Variants in EPHA4 observed in about 807,000 individuals in gnomAD.
EPHA4 encodes EPH receptor A4, also known as ephrin type-A receptor 4.
In EPHA4, 19 loss-of-function variants were observed where a neutral mutation model predicts 108.3. That is an observed-to-expected ratio of 0.18 (90% CI 0.12 to 0.26). The LOEUF is 0.26. Ranked by LOEUF, EPHA4 falls within the 10% of genes least tolerant of loss-of-function variation. The pLI is 1.00. For missense variants in EPHA4, 917 were observed against 1,254.0 expected, an observed-to-expected ratio of 0.73 and a Z score of 4.06; for synonymous variants, 449 against 455.5, an observed-to-expected ratio of 0.99 and a Z score of 0.18.
At chr2:221,424,141 T>TAA (rs201757702) in intron 17 of EPHA4, among the ~76,000 whole-genome samples, 22,519 of 93,410 alleles carry the variant, frequency 0.24, 1,847 homozygotes, top group South Asian at 0.28. Flanking sequence ...ATAATAATAA[T>TAA]TTTTTTTTTT....
intron 3 of EPHA4, among the ~76,000 whole-genome samples, chr2:221,520,783 C>T (rs571893911): frequency 6.6e-6 from 1 of 152,274 alleles, no homozygotes; most frequent in East Asian, 1.9e-4. Context: ...AAATGAAAAT[C>T]ATCAATCATT....
At chr2:221,497,186 C>A (rs1336709406) in intron 4 of EPHA4, among the ~76,000 whole-genome samples, 1 of 152,164 alleles carries the variant, frequency 6.6e-6, no homozygotes, top group African/African-American at 2.4e-5. Context: ...TTGATTAGAT[C>A]CCTACCAGGT....
At chr2:221,424,000 C>A (rs1170129040) in intron 17 of EPHA4, among the ~76,000 whole-genome samples, 1 of 151,902 alleles carries the variant, frequency 6.6e-6, no homozygotes, top group Non-Finnish European at 1.5e-5. Flanking sequence ...GCCTGTAATC[C>A]CAGCTACTTG....
intron 11 of EPHA4, among the ~76,000 whole-genome samples, chr2:221,440,247 CGTT>C (rs1386084016): frequency 6.6e-6 from 1 of 152,146 alleles, no homozygotes; most frequent in Non-Finnish European, 1.5e-5. Context: ...TGCATCCAGT[CGTT>C]TATAACAGTT....
chr2:221,496,279 C>T (rs1031187642), intron 4 of EPHA4, among the ~76,000 whole-genome samples: 11 of 152,034 alleles, frequency 7.2e-5, no homozygotes, highest in African/African-American at 2.4e-4. Context: ...GTCTGCCGTC[C>T]GGTATAGTCT....
At chr2:221,545,697 C>G (rs1693976576) in intron 3 of EPHA4, among the ~76,000 whole-genome samples, 1 of 152,116 alleles carries the variant, frequency 6.6e-6, no homozygotes, top group African/African-American at 2.4e-5. Context: ...TTAGAAGTTA[C>G]AGCTTTCCCT....
At chr2:221,520,095 T>A (rs151123665) in intron 3 of EPHA4, among the ~76,000 whole-genome samples, 116 of 152,272 alleles carry the variant, frequency 7.6e-4, no homozygotes, top group Non-Finnish European at 5.1e-4. Flanking sequence ...ATGCTGATCA[T>A]GTCATTCCTG....
chr2:221,542,158 A>G (rs1327577601), intron 3 of EPHA4, among the ~76,000 whole-genome samples: 3 of 152,202 alleles, frequency 2.0e-5, no homozygotes, highest in Non-Finnish European at 4.4e-5. Context: ...AGGACTAGGA[A>G]AAGGTGAGAA....
chr2:221,442,693 T>C (rs753604034), intron 11 of EPHA4, 136 bp downstream of exon 11: 90 of 839,794 alleles, frequency 1.1e-4, no homozygotes, highest in Non-Finnish European at 1.6e-4. Flanking sequence ...ACAAGATTAA[T>C]GACTTGTCCT....
intron 8 of EPHA4, among the ~76,000 whole-genome samples, chr2:221,453,157 C>T (rs529965608): frequency 1.3e-5 from 2 of 152,198 alleles, no homozygotes; most frequent in South Asian, 4.1e-4. Context: ...GGTCAAGACA[C>T]AAGGCAAGGC....
intron 10 of EPHA4, 142 bp downstream of exon 10, chr2:221,443,349 CAT>C (rs754089669): frequency 2.0e-5 from 12 of 601,932 alleles, no homozygotes; most frequent in Admixed American, 3.3e-5. Context: ...CTTTATAACA[CAT>C]GATATTTTAT....
In EPHA4 at chr2:221,497,045, A is replaced by G. The variant is rs944287579; in HGVS notation, c.979+3972T>C. ...ATCCTGGGGTACAGGGCAGCCATCA[A>G]GTAATTTAATTATGCACGCAAGGGT... is the stretch of plus-strand genomic sequence containing the variant. On this transcript the variant is annotated intron_variant, in intron 4 of 17. Coordinates refer to ENST00000281821, the MANE Select transcript of EPHA4 (RefSeq NM_004438.5). Among the ~76,000 whole-genome samples the G allele has an allele frequency of 9.7e-4, 128 of 132,056 alleles. 2 individuals carry two copies. Among genetic ancestry groups the G allele is most frequent in the African/African-American group, 7.1e-4 (24 of 33,742 alleles). The allele number at this position is 132,056 out of a possible 152,430, so 86.6% of individuals were successfully genotyped here. A position where few individuals can be genotyped will look rare whatever the true frequency, so the allele number is the denominator to read the frequency against.
intron 1 of EPHA4, 146 bp from the exon 2 acceptor site, chr2:221,568,931 A>G: frequency 1.8e-6 from 1 of 541,410 alleles, no homozygotes; most frequent in Non-Finnish European, 3.2e-6. Flanking sequence ...ACTTATGTAA[A>G]TAATCATTAC....
chr2:221,443,648 A>G, intron 9 of EPHA4, 42 bp from the exon 10 acceptor site: 1 of 1,402,620 alleles, frequency 7.1e-7, no homozygotes, highest in African/African-American at 1.4e-5. Flanking sequence ...ACTTCTAAGG[A>G]ACCACTAATA....
At chr2:221,485,013 C>T (rs1424436528) in intron 4 of EPHA4, among the ~76,000 whole-genome samples, 3 of 152,150 alleles carry the variant, frequency 2.0e-5, no homozygotes, top group African/African-American at 7.2e-5. Flanking sequence ...CTGACCAGGG[C>T]TTGGTTTATC....
chr2:221,453,566 G>A (rs942580468), intron 8 of EPHA4, among the ~76,000 whole-genome samples: 14 of 152,084 alleles, frequency 9.2e-5, no homozygotes, highest in African/African-American at 3.4e-4. Context: ...ATCTATGCAG[G>A]TCAACCTTAA....
intron 3 of EPHA4, among the ~76,000 whole-genome samples, chr2:221,542,673 G>A (rs183375983): frequency 1.3e-3 from 198 of 152,248 alleles, no homozygotes; most frequent in South Asian, 3.7e-3. Flanking sequence ...TTTGCTTTGG[G>A]TTTCGAAAGC....
At chr2:221,484,105 A>C (rs1474027655) in intron 4 of EPHA4, among the ~76,000 whole-genome samples, 1 of 152,206 alleles carries the variant, frequency 6.6e-6, no homozygotes, top group African/African-American at 2.4e-5. Context: ...AATTAGTACA[A>C]GTTTCTCAGG....
In EPHA4 at chr2:221,456,778, T is replaced by C; in HGVS notation, c.1444-6A>G. On this transcript the variant is annotated splice_region_variant and splice_polypyrimidine_tract_variant and intron_variant, in intron 6 of 17. Coordinates refer to ENST00000281821, the MANE Select transcript of EPHA4 (RefSeq NM_004438.5). ...TAGCTTCGCTCATTCTGATCCTACA[T>C]CATGGCAAGATAAAATTGGGGAAGG... The C allele has an allele frequency of 1.2e-6, 2 of 1,612,722 alleles. No homozygotes were observed. Among genetic ancestry groups the C allele is most frequent in the Non-Finnish European group, 1.7e-6 (2 of 1,178,994 alleles).
Sources: allele counts gnomAD v4.1 joint callset (sites outside exome capture counted in the v4.1 genomes callset), GRCh38; gene constraint gnomAD v4.1.1; transcripts MANE v1.5; gene names NCBI Gene and HGNC (gene_info 2026-07-23, HGNC 2026-07-21).